Variants in ABCB4 observed in about 807,000 individuals in gnomAD.
The protein encoded by ABCB4 is phosphatidylcholine translocator ABCB4.
A neutral mutation model predicts 145.7 loss-of-function variants in ABCB4; 76 were observed. That is an observed-to-expected ratio of 0.52 (90% CI 0.43 to 0.63). ABCB4 has a LOEUF of 0.63. Among genes scored for constraint, ABCB4 ranks in the 30% least tolerant of loss-of-function variants. The probability of loss-of-function intolerance (pLI) is 0.00; values close to 1 mark genes in which losing one functional copy is unlikely to be tolerated. For missense variants in ABCB4, 1,234 were observed against 1,553.1 expected (o/e 0.79, Z 3.45); for synonymous variants, 517 against 566.8 (o/e 0.91, Z 1.25).
the ABCB4 span, chr7:87,377,597 C>T: frequency 1.8e-6 from 1 of 571,206 alleles, no homozygotes; most frequent in Non-Finnish European, 3.1e-6. Context: ...TATGAATTCT[C>T]ATTGAAAGTA....
At chr7:87,469,789 C>A (rs1368431190) in intron 3 of ABCB4, among the ~76,000 whole-genome samples, 2 of 152,202 alleles carry the variant, frequency 1.3e-5, no homozygotes, top group Non-Finnish European at 2.9e-5. Context: ...AATGGCCATA[C>A]TGCCCAAGGT....
At chr7:87,383,096 T>C in the ABCB4 span, among the ~76,000 whole-genome samples, 2 of 152,206 alleles carry the variant, frequency 1.3e-5, no homozygotes, top group Non-Finnish European at 2.9e-5. Flanking sequence ...CAACCATTTA[T>C]TACGTCTTCG....
downstream of ABCB4, among the ~76,000 whole-genome samples, chr7:87,400,135 T>G (rs887662621): frequency 1.6e-4 from 25 of 152,190 alleles, no homozygotes; most frequent in African/African-American, 5.1e-4. Context: ...CCTTGAGGCC[T>G]AGGCCCTGAA....
the ABCB4 span, among the ~76,000 whole-genome samples, chr7:87,383,382 A>C: frequency 0.87 from 131,602 of 152,120 alleles, 57,107 homozygotes; most frequent in Middle Eastern, 0.94. Flanking sequence ...CTATTTCTGG[A>C]TTATTTCACT....
At chr7:87,429,906 T>TA (rs1810087994) in intron 15 of ABCB4, among the ~76,000 whole-genome samples, 2 of 125,716 alleles carry the variant, frequency 1.6e-5, no homozygotes, top group Admixed American at 1.5e-4. Context: ...GTCAGGTCTT[T>TA]TTTTTTTTAA....
the ABCB4 span, chr7:87,375,872 G>A: frequency 1.2e-6 from 2 of 1,613,318 alleles, no homozygotes; most frequent in Non-Finnish European, 1.7e-6. Context: ...ACTTGGCTTT[G>A]TTAGAAAAAA....
At chr7:87,411,018 T>A (rs1370128761) in intron 23 of ABCB4, among the ~76,000 whole-genome samples, 4 of 152,172 alleles carry the variant, frequency 2.6e-5, no homozygotes, top group Non-Finnish European at 5.9e-5. Flanking sequence ...TGGGTACTGC[T>A]TACCTTAACA....
chr7:87,475,466 C>T lies in ABCB4; in HGVS notation c.-1G>A, dbSNP rs45449704. The T allele has an allele frequency of 1.7e-3, 2,707 of 1,614,196 alleles. 83 individuals carry two copies. In the Admixed American group the frequency reaches 0.043, roughly 25 times the overall value. On this transcript the variant is annotated 5_prime_UTR_variant, in exon 2 of 28. Transcript: ENST00000649586. Reference sequence around the variant, plus strand: ...CGTTCTTTGCCGCCTCAAGATCCATCTCAGCCTGAGGAGAAACCACAGCCT... The same window carrying T: ...CGTTCTTTGCCGCCTCAAGATCCATTTCAGCCTGAGGAGAAACCACAGCCT...
At chr7:87,456,350 G>C (rs1812099734) in intron 4 of ABCB4, among the ~76,000 whole-genome samples, 1 of 152,140 alleles carries the variant, frequency 6.6e-6, no homozygotes, top group African/African-American at 2.4e-5. Context: ...TTGGAGGTGG[G>C]GCCTGATGGG....
At chr7:87,385,816 G>T in the ABCB4 span, among the ~76,000 whole-genome samples, 1,085 of 152,214 alleles carry the variant, frequency 7.1e-3, 19 homozygotes, top group South Asian at 0.072. Context: ...CTCTGGATTT[G>T]TCATATGTGG....
chr7:87,428,649 C>T (rs1266168842), intron 15 of ABCB4, among the ~76,000 whole-genome samples: 1 of 152,074 alleles, frequency 6.6e-6, no homozygotes, highest in Non-Finnish European at 1.5e-5. Flanking sequence ...AAAGAGTTCT[C>T]ACAAATCAAT....
the ABCB4 span, chr7:87,391,792 C>T: frequency 7.2e-7 from 1 of 1,392,796 alleles, no homozygotes; most frequent in South Asian, 1.3e-5. Context: ...TAACTAACTT[C>T]TTTGCTTCAG....
At chr7:87,475,892 G>T (rs2117012666), upstream of ABCB4, among the ~76,000 whole-genome samples, 1 of 152,146 alleles carries the variant, frequency 6.6e-6, no homozygotes, top group African/African-American at 2.4e-5. Flanking sequence ...GGGGCGCCCG[G>T]CTGGGGCCGC....
chr7:87,377,100 C>T, the ABCB4 span, among the ~76,000 whole-genome samples: 135 of 152,162 alleles, frequency 8.9e-4, 2 homozygotes, highest in Admixed American at 7.5e-3. Context: ...GAATATTGTA[C>T]CAGCATTTTC....
chr7:87,446,958 G>T, intron 9 of ABCB4, 76 bp downstream of exon 9: 1 of 1,328,654 alleles, frequency 7.5e-7, no homozygotes, highest in Non-Finnish European at 1.1e-6. Flanking sequence ...AAAAAGGAGC[G>T]ATATCAAAGA....
chr7:87,433,675 G>GTT (rs1000391993), intron 14 of ABCB4, among the ~76,000 whole-genome samples: 34 of 100,358 alleles, frequency 3.4e-4, no homozygotes, highest in Middle Eastern at 5.7e-3. Flanking sequence ...AATTGTTGTT[G>GTT]TTTTTTTTTT....
At position 87,440,390 on chromosome 7, in the gene ABCB4, C is replaced by T; in HGVS notation, c.1369G>A (p.Gly457Arg). 6.2e-7 allele frequency: 1 copy of T among 1,613,752 alleles called. No homozygotes were observed. Among genetic ancestry groups the T allele is most frequent in the Non-Finnish European group, 8.5e-7 (1 of 1,179,750 alleles). Reference protein sequence around the residue: ...DPDEGTINIDGQDIRNFNVNY... With the variant: ...DPDEGTINIDRQDIRNFNVNY... Reference sequence around the variant, plus strand: ...ACATTAAAGTTCCTAATATCCTGCCCATCAATGTTAATCTGAAAGAAAGAA... The same window carrying T: ...ACATTAAAGTTCCTAATATCCTGCCTATCAATGTTAATCTGAAAGAAAGAA... The change falls in exon 13 of 28, where the codon GGG (glycine) becomes AGG (arginine). Residue 457 changes from glycine to arginine, a missense_variant. Physicochemically the swap from Gly to Arg is moderately radical, Grantham distance 125 (BLOSUM62 -2). Transcript: ENST00000649586.
At chr7:87,402,529 A>G (rs45552235) in intron 27 of ABCB4, among the ~76,000 whole-genome samples, 2 of 152,346 alleles carry the variant, frequency 1.3e-5, no homozygotes, top group Non-Finnish European at 2.9e-5. Flanking sequence ...AAAAAAATTC[A>G]TAAGTATTTA....
At chr7:87,428,161 G>C (rs45520338) in intron 15 of ABCB4, among the ~76,000 whole-genome samples, 21 of 152,274 alleles carry the variant, frequency 1.4e-4, no homozygotes, top group African/African-American at 5.1e-4. Context: ...TCAATGGACA[G>C]TTCTTCCAAT....
Sources: gnomAD v4.1 joint callset for allele counts (sites outside exome capture counted in the v4.1 genomes callset) on GRCh38, gnomAD v4.1.1 for gene constraint, MANE v1.5 for transcripts, NCBI Gene and HGNC (gene_info 2026-07-23, HGNC 2026-07-21) for gene names.